LRRC38: variants seen among roughly 807,000 people sequenced by gnomAD.
LRRC38 encodes leucine-rich repeat-containing protein 38.
In LRRC38, 5 loss-of-function variants were observed where a neutral mutation model predicts 16.4. That is an observed-to-expected ratio of 0.31 (90% CI 0.16 to 0.64). LRRC38 has a LOEUF of 0.64. Ranked by LOEUF, LRRC38 falls within the 30% of genes least tolerant of loss-of-function variation. LRRC38 has a pLI of 0.80. For missense variants in LRRC38, 341 were observed against 401.8 expected (o/e 0.85, Z 1.29); for synonymous variants, 191 against 190.2 (o/e 1.00, Z -0.04).
At chr1:13,493,705 G>A (rs1217399454) in intron 1 of LRRC38, among the ~76,000 whole-genome samples, 2 of 152,128 alleles carry the variant, frequency 1.3e-5, no homozygotes, top group African/African-American at 2.4e-5. Context: ...CCTGAGAGCC[G>A]AGGAGTGCTG....
At chr1:13,480,165 C>T (rs529914685) in intron 1 of LRRC38, among the ~76,000 whole-genome samples, 15 of 152,246 alleles carry the variant, frequency 9.9e-5, no homozygotes, top group East Asian at 3.9e-4. Flanking sequence ...GCCAATATGG[C>T]GAAACCCCAC....
At chr1:13,509,896 T>C (rs978340487) in intron 1 of LRRC38, among the ~76,000 whole-genome samples, 2 of 152,226 alleles carry the variant, frequency 1.3e-5, no homozygotes, top group South Asian at 4.2e-4. Context: ...CCTGGAGGTG[T>C]GGAGCTTGCT....
At chr1:13,490,424 GC>G (rs1383824937) in intron 1 of LRRC38, among the ~76,000 whole-genome samples, 2 of 152,156 alleles carry the variant, frequency 1.3e-5, no homozygotes, top group Non-Finnish European at 1.5e-5. Context: ...CTCCCAAAGT[GC>G]TGGGATTACA....
chr1:13,508,026 C>T (rs1639232866), intron 1 of LRRC38, among the ~76,000 whole-genome samples: 1 of 152,180 alleles, frequency 6.6e-6, no homozygotes, highest in Non-Finnish European at 1.5e-5. Context: ...CACCTGAAGT[C>T]AGGAGTTCGA....
intron 1 of LRRC38, among the ~76,000 whole-genome samples, chr1:13,504,680 G>A (rs1190379176): frequency 7.2e-6 from 1 of 138,952 alleles, no homozygotes; most frequent in Non-Finnish European, 1.6e-5. Context: ...CCGAGATTGC[G>A]CCACTGCACT....
At chr1:13,476,493 T>C (rs1460361429) in intron 1 of LRRC38, among the ~76,000 whole-genome samples, 1 of 152,146 alleles carries the variant, frequency 6.6e-6, no homozygotes, top group Admixed American at 6.5e-5. Context: ...CACACCTGAC[T>C]AATTTTAGTA....
chr1:13,501,842 T>C (rs1229470757), intron 1 of LRRC38, among the ~76,000 whole-genome samples: 1 of 152,034 alleles, frequency 6.6e-6, no homozygotes, highest in Non-Finnish European at 1.5e-5. Context: ...AGTGGCACGA[T>C]CTGCACCATT....
chr1:13,477,182 C>T (rs975931781), intron 1 of LRRC38, among the ~76,000 whole-genome samples: 2 of 152,150 alleles, frequency 1.3e-5, no homozygotes, highest in African/African-American at 2.4e-5. Context: ...GGCCAACAAC[C>T]GGGTTGGTGA....
chr1:13,512,920 T>TGCCCCCC, intron 1 of LRRC38, 43 bp downstream of exon 1: 1 of 1,269,030 alleles, frequency 7.9e-7, no homozygotes, highest in Non-Finnish European at 1.1e-6. Context: ...GGCCTCTCCC[T>TGCCCCCC]GCCCCCCTCC....
At chr1:13,482,785 A>C (rs1638885879) in intron 1 of LRRC38, among the ~76,000 whole-genome samples, 1 of 152,142 alleles carries the variant, frequency 6.6e-6, no homozygotes, top group Admixed American at 6.5e-5. Flanking sequence ...CAGCTGTCTA[A>C]GTTAAGAATA....
chr1:13,505,506 G>A (rs1278756810), intron 1 of LRRC38, among the ~76,000 whole-genome samples: 1 of 152,168 alleles, frequency 6.6e-6, no homozygotes, highest in Non-Finnish European at 1.5e-5. Context: ...CCCTAGGAGT[G>A]TGCATTCCTT....
At chr1:13,511,333 C>T (rs970989430) in intron 1 of LRRC38, among the ~76,000 whole-genome samples, 1 of 152,022 alleles carries the variant, frequency 6.6e-6, no homozygotes, top group Non-Finnish European at 1.5e-5. Context: ...ACCCAGAGTC[C>T]CCCAGATTTT....
intron 1 of LRRC38, among the ~76,000 whole-genome samples, chr1:13,486,183 T>A (rs1197551479): frequency 6.6e-6 from 1 of 152,068 alleles, no homozygotes; most frequent in African/African-American, 2.4e-5. Context: ...GTTCTTCACA[T>A]CCTTTGGCTT....
intron 1 of LRRC38, among the ~76,000 whole-genome samples, chr1:13,485,311 C>T (rs435059): frequency 0.093 from 13,663 of 146,670 alleles, 2,116 homozygotes; most frequent in African/African-American, 0.34. Flanking sequence ...GGCACAGTGG[C>T]TCACGCCTGT....
intron 1 of LRRC38, among the ~76,000 whole-genome samples, chr1:13,480,937 C>T (rs12043047): frequency 0.11 from 17,142 of 152,204 alleles, 1,273 homozygotes; most frequent in East Asian, 0.21. Flanking sequence ...AGATTAAAGG[C>T]GTGAGCCACC....
At chr1:13,496,939 A>G (rs1639088059) in intron 1 of LRRC38, among the ~76,000 whole-genome samples, 1 of 151,964 alleles carries the variant, frequency 6.6e-6, no homozygotes, top group Non-Finnish European at 1.5e-5. Flanking sequence ...GGGAGGGGCC[A>G]AGTCATGCTG....
chr1:13,477,775 C>CT (rs1638806496), intron 1 of LRRC38, among the ~76,000 whole-genome samples: 1 of 152,138 alleles, frequency 6.6e-6, no homozygotes, highest in Admixed American at 6.6e-5. Context: ...GAAACTGAGG[C>CT]TATGATCACG....
rs137878643 is a variant in LRRC38 at position 13,500,289 on chromosome 1, A to G, written c.631+12674T>C. 2.6e-5 allele frequency among the ~76,000 whole-genome samples: 4 copies of G among 152,118 alleles called. No homozygotes were observed. The East Asian group carries it at 7.7e-4, about 29-fold the overall frequency. ...AAAAAAGCTGCAAGATTTAAAAAAG[A>G]AAAGAAAAAAGCTACATACCTCCCT... is the stretch of plus-strand genomic sequence containing the variant. On this transcript the variant is annotated intron_variant, in intron 1 of 1. Transcript: ENST00000376085.
At chr1:13,509,559 C>T (rs12022995) in intron 1 of LRRC38, among the ~76,000 whole-genome samples, 5,388 of 152,166 alleles carry the variant, frequency 0.035, 144 homozygotes, top group East Asian at 0.12. Flanking sequence ...CATCTCAGGC[C>T]CATGAGCCCA....
Sources: gnomAD v4.1 joint callset for allele counts (sites outside exome capture counted in the v4.1 genomes callset) on GRCh38, gnomAD v4.1.1 for gene constraint, MANE v1.5 for transcripts, NCBI Gene and HGNC (gene_info 2026-07-23, HGNC 2026-07-21) for gene names.